Variants in GBF1 observed in about 807,000 individuals in gnomAD.
GBF1 encodes the protein Golgi-specific brefeldin A-resistance guanine nucleotide exchange factor 1.
A neutral mutation model predicts 210.5 loss-of-function variants in GBF1; 114 were observed. The observed-to-expected ratio is 0.54, with a 90% CI of 0.47 to 0.63. The LOEUF is 0.63. GBF1 is among the 30% of genes least tolerant of loss of function. The probability of loss-of-function intolerance (pLI) is 0.00; values close to 1 mark genes in which losing one functional copy is unlikely to be tolerated. For missense variants in GBF1, 1,851 were observed against 2,357.7 expected (o/e 0.79, Z 4.45); for synonymous variants, 850 against 889.2 (o/e 0.96, Z 0.78).
intron 3 of GBF1, among the ~76,000 whole-genome samples, chr10:102,314,662 T>A (rs1176698675): frequency 1.3e-5 from 2 of 152,204 alleles, no homozygotes; most frequent in Non-Finnish European, 2.9e-5. Flanking sequence ...GGTAAGGAGA[T>A]GGAGTAGCCA....
chr10:102,312,295 GAAAA>G (rs199516651), intron 3 of GBF1, among the ~76,000 whole-genome samples: 2 of 129,010 alleles, frequency 1.6e-5, no homozygotes, highest in Non-Finnish European at 1.7e-5. Flanking sequence ...CTCTGTCTCA[GAAAA>G]AAAAAAAAAA....
At chr10:102,311,470 A>G (rs1372135555) in intron 3 of GBF1, among the ~76,000 whole-genome samples, 1 of 152,246 alleles carries the variant, frequency 6.6e-6, no homozygotes, top group East Asian at 1.9e-4. Flanking sequence ...AGTATCAAGA[A>G]AAGTTGCTAC....
chr10:102,297,830 T>C (rs1004571212), intron 3 of GBF1, among the ~76,000 whole-genome samples: 9 of 152,250 alleles, frequency 5.9e-5, no homozygotes, highest in Admixed American at 5.9e-4. Flanking sequence ...TTTTATAGAA[T>C]TTTTTTCCTT....
chr10:102,358,613 C>G lies in GBF1; in HGVS notation c.895C>G (p.Gln299Glu). The G allele has an allele frequency of 1.2e-6, 2 of 1,613,588 alleles. No homozygotes were observed. The highest frequency in any genetic ancestry group is 1.7e-6 in the Non-Finnish European group (2 of 1,179,460). Residue 299 changes from glutamine to glutamate, a missense_variant, in exon 10 of 40, where the codon CAA becomes GAA. Gln to Glu is a conservative substitution (Grantham distance 29). Transcript: ENST00000369983. The part of the protein sequence containing the change: ...STDSGLEFSS[Q>E]TTSKEDLTDL... Reference sequence around the variant, plus strand: ...AGACAGTGGCCTGGAATTCTCCTCCCAAACCACTTCCAAGGAAGACCTTAC... The same window carrying G: ...AGACAGTGGCCTGGAATTCTCCTCCGAAACCACTTCCAAGGAAGACCTTAC...
At chr10:102,290,785 G>T (rs1016212477) in intron 3 of GBF1, among the ~76,000 whole-genome samples, 1 of 152,186 alleles carries the variant, frequency 6.6e-6, no homozygotes, top group African/African-American at 2.4e-5. Flanking sequence ...GATTACAGGC[G>T]TGAGCCACCA....
At chr10:102,243,770 C>T (rs2070609762), upstream of GBF1, among the ~76,000 whole-genome samples, 1 of 152,076 alleles carries the variant, frequency 6.6e-6, no homozygotes, top group Admixed American at 6.6e-5. Flanking sequence ...GACCAGAAGC[C>T]CAATGTGCAG....
chr10:102,321,319 T>C (rs2056370055), intron 3 of GBF1, among the ~76,000 whole-genome samples: 1 of 152,214 alleles, frequency 6.6e-6, no homozygotes, highest in African/African-American at 2.4e-5. Flanking sequence ...GGCACAAAGT[T>C]GGCACTCATA....
chr10:102,375,321 T>TC (rs1565181314), intron 29 of GBF1, 38 bp from the exon 30 acceptor site: 2 of 1,191,812 alleles, frequency 1.7e-6, no homozygotes, highest in African/African-American at 3.0e-5. Flanking sequence ...CCCACACAGC[T>TC]CCCCGCTTCC....
At chr10:102,334,370 C>T (rs2057566340) in intron 3 of GBF1, among the ~76,000 whole-genome samples, 1 of 152,216 alleles carries the variant, frequency 6.6e-6, no homozygotes, top group Non-Finnish European at 1.5e-5. Context: ...CAGCCCAATG[C>T]TGGCCAAATG....
chr10:102,348,147 G>C (rs917657955), intron 4 of GBF1, among the ~76,000 whole-genome samples: 1 of 152,064 alleles, frequency 6.6e-6, no homozygotes, highest in Non-Finnish European at 1.5e-5. Flanking sequence ...GTATTGGCCA[G>C]GCTGGTCTCG....
chr10:102,283,009 T>TA (rs2075634888), intron 3 of GBF1, among the ~76,000 whole-genome samples: 2 of 152,200 alleles, frequency 1.3e-5, no homozygotes, highest in Non-Finnish European at 2.9e-5. Context: ...TCCTAGATAC[T>TA]ATTAAAAGAT....
At chr10:102,253,278 A>G (rs2071843288) in intron 1 of GBF1, among the ~76,000 whole-genome samples, 1 of 152,052 alleles carries the variant, frequency 6.6e-6, no homozygotes, top group South Asian at 2.1e-4. Context: ...AACATCACCA[A>G]AACTGAGGCT....
rs1374837642 is a variant in GBF1 at position 102,376,998 on chromosome 10, A to C, written c.4352A>C (p.Lys1451Thr). ...TATGACAGCAAAGGGAACCGCTTCA[A>C]GAAGAAATCCAAAGAGGGATCAATG... is the stretch of plus-strand genomic sequence containing the variant. Reference protein sequence around the residue: ...HKYDSKGNRFKKKSKEGSMLR... With the variant: ...HKYDSKGNRFTKKSKEGSMLR... Residue 1451 changes from lysine to threonine, a missense_variant, in exon 33 of 40, where the codon AAG (lysine) becomes ACG (threonine). This residue lies in a region of GBF1 where 967 missense variants were observed against 1,247.7 expected (regional missense o/e 0.78). Transcript: ENST00000369983. The C allele has an allele frequency of 6.2e-7, 1 of 1,614,106 alleles. No individual in the cohort carries two copies. The highest frequency in any genetic ancestry group is 1.3e-5 in the African/African-American group (1 of 74,938).
At chr10:102,289,509 G>T (rs957487650) in intron 3 of GBF1, among the ~76,000 whole-genome samples, 2 of 152,178 alleles carry the variant, frequency 1.3e-5, no homozygotes, top group East Asian at 3.9e-4. Flanking sequence ...AGGATCATTT[G>T]AGCCCAGGTG....
Position 102,258,783 on chromosome 10 carries a change from AAAAAAAAAAAAG to A in GBF1, c.-10-142_-10-131del. ...GAGTGAAACTCTGCCTCAAAAAAAA[AAAAAAAAAAAAG>A]AAAGAAAGAAAGAAAATCTTGGTAC... On this transcript the variant is annotated intron_variant, in intron 1 of 39. Coordinates refer to ENST00000369983, the MANE Select transcript of GBF1 (RefSeq NM_001377137.1). The A allele has an allele frequency of 1.8e-5, 6 of 338,278 alleles. 1 individual carries two copies. The highest frequency in any genetic ancestry group is 3.1e-5 in the Non-Finnish European group (6 of 194,558). The allele number at this position is 338,278 out of a possible 1,614,324, so 21.0% of individuals were successfully genotyped here. A position where few individuals can be genotyped will look rare whatever the true frequency, so the allele number is the denominator to read the frequency against.
At chr10:102,283,100 A>G (rs906036058) in intron 3 of GBF1, among the ~76,000 whole-genome samples, 2 of 152,216 alleles carry the variant, frequency 1.3e-5, no homozygotes, top group Non-Finnish European at 2.9e-5. Context: ...CCAGAGAAGT[A>G]GTAGTGAAGA....
chr10:102,362,050 C>CTTTTCTTTT (rs1565160708), intron 14 of GBF1, 138 bp downstream of exon 14: 7 of 124,730 alleles, frequency 5.6e-5, no homozygotes, highest in Middle Eastern at 4.3e-3. Flanking sequence ...CTTTTCTTTT[C>CTTTTCTTTT]TTTTTTTTTT....
chr10:102,349,875 T>C (rs937851860), intron 4 of GBF1, among the ~76,000 whole-genome samples: 1 of 152,168 alleles, frequency 6.6e-6, no homozygotes, highest in African/African-American at 2.4e-5. Context: ...TGGTGCCGGT[T>C]GTCTGACCTC....
At chr10:102,369,656 CG>C in intron 24 of GBF1, 54 bp from the exon 25 acceptor site, 1 of 1,514,296 alleles carries the variant, frequency 6.6e-7, no homozygotes. Flanking sequence ...TGGGTGGAGG[CG>C]GGCACAAATG....
Sources: allele counts gnomAD v4.1 joint callset (sites outside exome capture counted in the v4.1 genomes callset), GRCh38; gene constraint gnomAD v4.1.1; regional missense constraint gnomAD v4.1.1; transcripts MANE v1.5; gene names NCBI Gene and HGNC (gene_info 2026-07-23, HGNC 2026-07-21).